The following OAS3 variants were observed in gnomAD, a reference collection of about 807,000 sequenced individuals.
OAS3 encodes 2'-5'-oligoadenylate synthase 3.
OAS3 carries 107 observed loss-of-function variants against 113.0 expected under a neutral mutation model. The observed-to-expected ratio is 0.95, with a 90% CI of 0.81 to 1.11. OAS3 has a LOEUF of 1.11. Among genes scored for constraint, OAS3 ranks in the 50% most tolerant of loss-of-function variants. OAS3 has a pLI of 0.00. For synonymous variants in OAS3, 552 were observed against 573.6 expected, an observed-to-expected ratio of 0.96 and a Z score of 0.54; for missense variants, 1,258 against 1,389.1, an observed-to-expected ratio of 0.91 and a Z score of 1.50.
At chr12:112,969,550 C>T in intron 14 of OAS3, 58 bp from the exon 15 acceptor site, 1 of 1,555,536 alleles carries the variant, frequency 6.4e-7, no homozygotes, top group Non-Finnish European at 8.7e-7. Flanking sequence ...CAACCAGTGC[C>T]ACAGGTGGAC....
In OAS3 at chr12:112,944,528, C is replaced by G; in HGVS notation, c.513C>G (p.Leu171=). Residue 171 remains leucine (L), a synonymous_variant, in exon 3 of 16, where the codon CTC becomes CTG. Coordinates refer to ENST00000228928, the MANE Select transcript of OAS3 (RefSeq NM_006187.4). ...AGCCACAAGTCTACTCTACCCTCCT[C>G]AACAGTGGCTGCCAAGGGGGCGAGC... The part of the protein sequence containing the change: ...KPKPQVYSTL[L]NSGCQGGEHA... 1.2e-6 allele frequency: 2 copies of G among 1,614,070 alleles called. No homozygotes were observed. Among genetic ancestry groups the G allele is most frequent in the Non-Finnish European group, 1.7e-6 (2 of 1,179,906 alleles).
chr12:112,961,839 A>G (rs1466347348), intron 8 of OAS3, among the ~76,000 whole-genome samples: 1 of 151,562 alleles, frequency 6.6e-6, no homozygotes, highest in Non-Finnish European at 1.5e-5. Context: ...TTTGTCATCC[A>G]GGCTGGAGTG....
At chr12:112,953,761 T>C (rs1477566783) in intron 7 of OAS3, among the ~76,000 whole-genome samples, 2 of 152,224 alleles carry the variant, frequency 1.3e-5, no homozygotes, top group Non-Finnish European at 2.9e-5. Flanking sequence ...TTTTTTCATG[T>C]GTCTGTTGGC....
chr12:112,963,387 C>T lies in OAS3; in HGVS notation c.2159C>T (p.Ala720Val). Reference protein sequence around the residue: ...HGSWELLAQEAAALGMQACFL... With the variant: ...HGSWELLAQEVAALGMQACFL... ...AGCTGGGAGCTGTTGGCCCAGGAAGCAGCAGCGCTGGGGATGCAGGCCTGC... is the reference window on the plus strand; with the variant it reads ...AGCTGGGAGCTGTTGGCCCAGGAAGTAGCAGCGCTGGGGATGCAGGCCTGC... The change falls in exon 10 of 16, where the codon GCA (alanine) becomes GTA (valine). Residue 720 changes from alanine to valine, a missense_variant. Ala to Val is a moderately conservative substitution (Grantham distance 64). Coordinates refer to ENST00000228928, the MANE Select transcript of OAS3 (RefSeq NM_006187.4). This position sits in a 1 kb window ranked among gnomAD's most constrained non-coding sequence, Gnocchi z 4.6. The T allele has an allele frequency of 6.4e-7, 1 of 1,554,046 alleles. No individual in the cohort carries two copies. The highest frequency in any genetic ancestry group is 2.4e-5 in the East Asian group (1 of 41,020).
chr12:112,945,656 C>T (rs542468425), intron 3 of OAS3, among the ~76,000 whole-genome samples: 48 of 152,326 alleles, frequency 3.2e-4, no homozygotes, highest in South Asian at 1.2e-3. Context: ...ATTCTGGATT[C>T]CAGTTCTGGC....
At chr12:112,967,891 A>C (rs370997989) in intron 13 of OAS3, 45 bp from the exon 14 acceptor site, 13 of 1,586,676 alleles carry the variant, frequency 8.2e-6, no homozygotes, top group Non-Finnish European at 1.0e-5. Flanking sequence ...TCTGTACCTC[A>C]TCAGTGCCAA....
chr12:112,967,603 A>G lies in OAS3; in HGVS notation c.2865+10A>G. On this transcript the variant is annotated intron_variant, in intron 13 of 15. Coordinates refer to ENST00000228928, the MANE Select transcript of OAS3 (RefSeq NM_006187.4). ...GCACTGGTACCAGCAGGTTCGGCAC[A>G]TGGATAGGCCACCTTCCTAAGTTGC... 1.9e-6 allele frequency: 3 copies of G among 1,611,222 alleles called. No individual in the cohort carries two copies. The highest frequency in any genetic ancestry group is 2.5e-6 in the Non-Finnish European group (3 of 1,178,550).
At chr12:112,969,273 T>C (rs767186520) in intron 14 of OAS3, 12 of 273,624 alleles carry the variant, frequency 4.4e-5, no homozygotes, top group Non-Finnish European at 7.1e-5. Flanking sequence ...GCATTTTAGA[T>C]AAGAAATACT....
rs1250232987 is a variant in OAS3 at position 112,938,523 on chromosome 12, G to A, written c.-8G>A. Reference sequence around the variant, plus strand: ...CCCTGCTTCCCCTTGCACCTGCGCCGGGCGGCCATGGACTTGTACAGCACC... The same window carrying A: ...CCCTGCTTCCCCTTGCACCTGCGCCAGGCGGCCATGGACTTGTACAGCACC... On this transcript the variant is annotated 5_prime_UTR_variant, in exon 1 of 16. Coordinates refer to ENST00000228928, the MANE Select transcript of OAS3 (RefSeq NM_006187.4). 2.6e-6 allele frequency: 4 copies of A among 1,560,554 alleles called. No homozygotes were observed. The highest frequency in any genetic ancestry group is 2.8e-5 in the African/African-American group (2 of 71,650).
At chr12:112,958,064 T>G (rs1340373528) in intron 7 of OAS3, among the ~76,000 whole-genome samples, 1 of 152,218 alleles carries the variant, frequency 6.6e-6, no homozygotes, top group Non-Finnish European at 1.5e-5. Context: ...TAAACTTCTC[T>G]TCTCACTTCA....
At chr12:112,962,461 G>A (rs1271184361) in intron 8 of OAS3, among the ~76,000 whole-genome samples, 191 bp from the exon 9 acceptor site, 2 of 152,166 alleles carry the variant, frequency 1.3e-5, no homozygotes, top group East Asian at 3.8e-4. Flanking sequence ...CAGTCTCACT[G>A]TATGACCTTA....
At chr12:112,944,030 A>G (rs1232443631) in intron 2 of OAS3, among the ~76,000 whole-genome samples, 1 of 152,224 alleles carries the variant, frequency 6.6e-6, no homozygotes, top group Non-Finnish European at 1.5e-5. Context: ...CTAAAGGATC[A>G]GGGCTTTTTG....
In OAS3 at chr12:112,961,549, G is replaced by A. The variant is rs532447853; in HGVS notation, c.1833+303G>A. Among the ~76,000 whole-genome samples the A allele has an allele frequency of 1.1e-4, 17 of 151,750 alleles. No individual in the cohort carries two copies. The South Asian group carries it at 1.7e-3, about 15-fold the overall frequency. On this transcript the variant is annotated intron_variant, in intron 8 of 15. Coordinates refer to ENST00000228928, the MANE Select transcript of OAS3 (RefSeq NM_006187.4). ...TCTGTTTTTCCCCCACCTCCAAGCC[G>A]TTGCTTATGATATTACCCCCACCAC...
chr12:112,941,537 G>A (rs1476741363), intron 1 of OAS3, 33 bp from the exon 2 acceptor site: 2 of 1,599,290 alleles, frequency 1.3e-6, no homozygotes, highest in South Asian at 2.3e-5. Context: ...GAATTGGACA[G>A]TATGAAATTC....
Position 112,963,339 on chromosome 12 carries a change from C to T in OAS3, c.2111C>T (p.Pro704Leu), listed in dbSNP as rs757138260. ...CCCCTGGTCCTGGACCCCGCTGATC[C>T]CACCTGGAACGTGGGCCACGGTAGC... is the stretch of plus-strand genomic sequence containing the variant. ...PRPLVLDPAD[P>L]TWNVGHGSWE... The change falls in exon 10 of 16, where the codon CCC becomes CTC. Residue 704 changes from proline to leucine, a missense_variant. Pro to Leu is a moderately conservative substitution (Grantham distance 98, BLOSUM62 -3). Transcript: ENST00000228928. This position sits in a 1 kb window ranked among gnomAD's most constrained non-coding sequence, Gnocchi z 4.6. 19 of 1,573,094 alleles carry T rather than the reference C, an allele frequency of 1.2e-5. No individual in the cohort carries two copies. The highest frequency in any genetic ancestry group is 1.6e-5 in the Non-Finnish European group (19 of 1,158,614).
Position 112,969,610 on chromosome 12 carries a change from C to A in OAS3, c.3107C>A (p.Pro1036His), listed in dbSNP as rs965736282. Residue 1036 changes from proline to histidine, a missense_variant and splice_region_variant, in exon 15 of 16, where the codon CCT becomes CAT. Physicochemically the swap from Pro to His is moderately conservative, Grantham distance 77. Transcript: ENST00000228928. ...CTGTCCCTGGGTGGGAATTGCAGGC[C>A]TATCATCCTGGATCCGGCTGACCCG... ...FLKQQLQKPR[P>H]IILDPADPTG... is the part of the protein sequence containing the mutation. 1 of 1,597,316 alleles carries A rather than the reference C, an allele frequency of 6.3e-7. No homozygotes were observed. Among genetic ancestry groups the A allele is most frequent in the Admixed American group, 1.7e-5 (1 of 57,778 alleles).
In OAS3 at chr12:112,963,552, G is replaced by A; in HGVS notation, c.2229+95G>A. On this transcript the variant is annotated intron_variant, in intron 10 of 15. Transcript: ENST00000228928. This position sits in a 1 kb window ranked among gnomAD's most constrained non-coding sequence, Gnocchi z 4.6. ...CGGTGCACCCATCCCCAGCTGCTAG[G>A]AGTGTTGGTGGCTGACAACTCATAG... The A allele has an allele frequency of 1.6e-6, 2 of 1,276,366 alleles. No homozygotes were observed. The highest frequency in any genetic ancestry group is 2.1e-6 in the Non-Finnish European group (2 of 974,528). The allele number at this position is 1,276,366 out of a possible 1,614,324, so 79.1% of individuals were successfully genotyped here.
At chr12:112,966,132 G>T in intron 12 of OAS3, 103 bp downstream of exon 12, 2 of 1,153,572 alleles carry the variant, frequency 1.7e-6, no homozygotes, top group Admixed American at 2.2e-5. Context: ...ACATCTGTTC[G>T]CATCATTGCA....
In OAS3 at chr12:112,968,163, T is replaced by C; in HGVS notation, c.3093T>C (p.Leu1031=). 6.2e-7 allele frequency: 1 copy of C among 1,612,796 alleles called. No individual in the cohort carries two copies. Among genetic ancestry groups the C allele is most frequent in the Non-Finnish European group, 8.5e-7 (1 of 1,179,044 alleles). ...TTGGAGACTTCCTGAAACAGCAGCT[T>C]CAGAAGCCCAGGTTCAGGTCTACCC... The part of the protein sequence containing the change: ...KTVGDFLKQQ[L]QKPRPIILDP... The change falls in exon 14 of 16, where the codon CTT becomes CTC. Residue 1031 remains leucine, a synonymous_variant. Coordinates refer to ENST00000228928, the MANE Select transcript of OAS3 (RefSeq NM_006187.4).
Sources: gnomAD v4.1 joint callset for allele counts (sites outside exome capture counted in the v4.1 genomes callset) on GRCh38, gnomAD v4.1.1 for gene constraint, Gnocchi (gnomAD v3.1) non-coding constraint, MANE v1.5 for transcripts, NCBI Gene and HGNC (gene_info 2026-07-23, HGNC 2026-07-21) for gene names.